FHAD1: variants seen among roughly 807,000 people sequenced by gnomAD.
FHAD1 encodes the protein forkhead-associated domain-containing protein 1.
FHAD1 carries 146 observed loss-of-function variants against 191.3 expected under a neutral mutation model. The ratio of observed to expected loss-of-function variants is 0.76; its 90% confidence interval spans 0.67 to 0.88. The LOEUF is 0.88. Among genes scored for constraint, FHAD1 ranks in the 40% least tolerant of loss-of-function variants. The pLI is 0.00. For synonymous variants in FHAD1, 616 were observed against 672.3 expected, an observed-to-expected ratio of 0.92 and a Z score of 1.29; for missense variants, 1,635 against 1,785.8, an observed-to-expected ratio of 0.92 and a Z score of 1.52.
At chr1:15,252,129 C>T (rs899302217) in intron 2 of FHAD1, among the ~76,000 whole-genome samples, 2 of 152,158 alleles carry the variant, frequency 1.3e-5, no homozygotes, top group African/African-American at 2.4e-5. Context: ...TGTCACTGTC[C>T]CACCCATTGC....
At chr1:15,378,851 A>G (rs1043076655) in intron 28 of FHAD1, among the ~76,000 whole-genome samples, 10 of 152,156 alleles carry the variant, frequency 6.6e-5, no homozygotes, top group Non-Finnish European at 1.3e-4. Context: ...GAGCACTTAA[A>G]ACCCAATTTA....
chr1:15,308,862 C>T (rs1245539702), intron 7 of FHAD1, 126 bp downstream of exon 7: 2 of 1,403,378 alleles, frequency 1.4e-6, no homozygotes, highest in African/African-American at 2.9e-5. Flanking sequence ...AGAGTTCTTC[C>T]CAGCAGCCCT....
intron 6 of FHAD1, among the ~76,000 whole-genome samples, chr1:15,302,851 G>A (rs1015921083): frequency 1.3e-5 from 2 of 152,180 alleles, no homozygotes; most frequent in African/African-American, 4.8e-5. Flanking sequence ...GCCTCTGTTC[G>A]CCGATTCACT....
chr1:15,264,548 A>ATATG (rs575118798), intron 2 of FHAD1, among the ~76,000 whole-genome samples: 48 of 147,360 alleles, frequency 3.3e-4, no homozygotes, highest in Non-Finnish European at 5.2e-4. Flanking sequence ...ATATGTATAT[A>ATATG]TGTGTGTGTG....
chr1:15,329,256 C>A lies in FHAD1; in HGVS notation c.1711-90C>A. The A allele has an allele frequency of 9.2e-7, 1 of 1,089,272 alleles. No homozygotes were observed. Among genetic ancestry groups the A allele is most frequent in the South Asian group, 2.1e-5 (1 of 47,910 alleles). 67.5% of individuals were successfully genotyped at this position (1,089,272 alleles called of 1,614,324 possible). A position where few individuals can be genotyped will look rare whatever the true frequency, so the allele number is the denominator to read the frequency against. On this transcript the variant is annotated intron_variant, in intron 13 of 33. Transcript: ENST00000688493. The surrounding 1 kb of genome is among the most constrained non-coding windows in gnomAD (Gnocchi z 5.0). ...ATACGTGGCGCTGCCTGCTTCGTGG[C>A]AGAGTCAAGAACGCTGTTCCTCGAA...
chr1:15,365,721 AC>A, intron 23 of FHAD1, 105 bp from the exon 24 acceptor site: 1 of 692,730 alleles, frequency 1.4e-6, no homozygotes, highest in East Asian at 2.8e-5. Flanking sequence ...CGTTGCATGG[AC>A]CGTGATTGAG....
At chr1:15,317,089 G>C (rs188320001) in intron 9 of FHAD1, among the ~76,000 whole-genome samples, 20 of 152,182 alleles carry the variant, frequency 1.3e-4, no homozygotes, top group African/African-American at 4.1e-4. Context: ...TGCTTGGGAG[G>C]CTGAGGCAGG....
At chr1:15,372,917 T>G (rs1698526613) in intron 26 of FHAD1, among the ~76,000 whole-genome samples, 1 of 152,194 alleles carries the variant, frequency 6.6e-6, no homozygotes, top group South Asian at 2.1e-4. Flanking sequence ...TTGTTGTCTG[T>G]CTGCCCACAT....
At chr1:15,280,155 T>G (rs1423532488) in intron 3 of FHAD1, among the ~76,000 whole-genome samples, 3 of 152,134 alleles carry the variant, frequency 2.0e-5, no homozygotes, top group African/African-American at 7.2e-5. Context: ...GTACTCCCCG[T>G]TCTTGAGAAG....
Position 15,316,098 on chromosome 1 carries a change from C to T in FHAD1, c.1171-280C>T, listed in dbSNP as rs1345367603. On this transcript the variant is annotated intron_variant, in intron 8 of 33. Transcript: ENST00000688493. The surrounding 1 kb of genome is among the most constrained non-coding windows in gnomAD (Gnocchi z 4.3). ...GTGTTTATTCCTCAGCACAGACTCT[C>T]CAAAGCTGGATTTTCCTTGTGGTTT... Among the ~76,000 whole-genome samples the T allele has an allele frequency of 2.0e-5, 3 of 152,218 alleles. No homozygotes were observed. Among genetic ancestry groups the T allele is most frequent in the Non-Finnish European group, 2.9e-5 (2 of 68,044 alleles).
At chr1:15,349,978 C>T (rs933120059) in intron 19 of FHAD1, among the ~76,000 whole-genome samples, 1 of 152,152 alleles carries the variant, frequency 6.6e-6, no homozygotes, top group Non-Finnish European at 1.5e-5. Context: ...GGAGGTCACT[C>T]AGGGACCCAC....
intron 28 of FHAD1, among the ~76,000 whole-genome samples, chr1:15,378,253 C>T (rs1700108985): frequency 6.6e-6 from 1 of 152,126 alleles, no homozygotes; most frequent in Admixed American, 6.5e-5. Flanking sequence ...CCACTGCACT[C>T]CAGCCTGGGC....
rs1354875751 is a variant in FHAD1, at chr1:15,349,088, C to G, written c.2393C>G (p.Ala798Gly). The change falls in exon 19 of 34, where the codon GCC (alanine) becomes GGC (glycine). Residue 798 changes from alanine (A) to glycine (G), a missense_variant. Transcript: ENST00000688493. Reference protein sequence around the residue: ...IAHEKRKAKEALESEKRKVQD... With the variant: ...IAHEKRKAKEGLESEKRKVQD... ...CATGAAAAAAGAAAAGCAAAGGAAG[C>G]CTTGGAGTCGGAAAAGAGAAAAGTT... The G allele has an allele frequency of 1.9e-6, 3 of 1,551,456 alleles. No individual in the cohort carries two copies. Among genetic ancestry groups the G allele is most frequent in the Non-Finnish European group, 2.6e-6 (3 of 1,146,968 alleles).
At chr1:15,274,221 G>A (rs1657344135) in intron 3 of FHAD1, among the ~76,000 whole-genome samples, 1 of 152,234 alleles carries the variant, frequency 6.6e-6, no homozygotes, top group African/African-American at 2.4e-5. Context: ...CAAATTTGGG[G>A]AGGGGTATTT....
chr1:15,374,847 C>T lies in FHAD1; in HGVS notation c.3577+216C>T, dbSNP rs1407728085. On this transcript the variant is annotated intron_variant, in intron 27 of 33. Transcript: ENST00000688493. ...ATTTCATGCATAACTCACTATTGTACGTTTTTTTTTTTGTTTGTTTTTTTT... is the reference window on the plus strand; with the variant it reads ...ATTTCATGCATAACTCACTATTGTATGTTTTTTTTTTTGTTTGTTTTTTTT... Among the ~76,000 whole-genome samples the T allele has an allele frequency of 4.9e-5, 6 of 123,408 alleles. No homozygotes were observed. In the South Asian group the frequency reaches 9.4e-4, roughly 19 times the overall value. 81.0% of individuals were successfully genotyped at this position (123,408 alleles called of 152,430 possible).
chr1:15,382,348 A>T (rs1378107091), intron 31 of FHAD1, among the ~76,000 whole-genome samples, 155 bp downstream of exon 31: 1 of 152,218 alleles, frequency 6.6e-6, no homozygotes, highest in East Asian at 1.9e-4. Flanking sequence ...AGACAGACCT[A>T]GATTTAGACC....
rs1393728231 is a variant in FHAD1, at chr1:15,397,566, T to C, written c.*153T>C. The C allele has an allele frequency of 6.8e-6, 3 of 438,768 alleles. No homozygotes were observed. The highest frequency in any genetic ancestry group is 1.2e-5 in the Non-Finnish European group (3 of 244,484). 27.2% of individuals were successfully genotyped at this position (438,768 alleles called of 1,614,324 possible). On this transcript the variant is annotated 3_prime_UTR_variant, in exon 34 of 34. Coordinates refer to ENST00000688493, the MANE Select transcript of FHAD1 (RefSeq NM_001391957.1). ...CCTAGACCAGTATTTTGAACAATAT[T>C]ATATTTTGGAGACTGTGGGGAGAAG...
chr1:15,290,139 G>T (rs1423063668), intron 4 of FHAD1, among the ~76,000 whole-genome samples: 2 of 152,220 alleles, frequency 1.3e-5, no homozygotes, highest in Non-Finnish European at 2.9e-5. Context: ...AGTGTATTCA[G>T]TCCCGTCTAA....
chr1:15,368,746 C>T (rs1316035919), intron 25 of FHAD1, among the ~76,000 whole-genome samples: 1 of 152,122 alleles, frequency 6.6e-6, no homozygotes, highest in Non-Finnish European at 1.5e-5. Flanking sequence ...TTGAGACTAG[C>T]CTGGCCAACA....
Sources: allele counts gnomAD v4.1 joint callset (sites outside exome capture counted in the v4.1 genomes callset), GRCh38; gene constraint gnomAD v4.1.1; non-coding constraint Gnocchi (gnomAD v3.1); transcripts MANE v1.5; gene names NCBI Gene and HGNC (gene_info 2026-07-23, HGNC 2026-07-21).